Variants in CEP192 observed in about 807,000 individuals in gnomAD.
The protein encoded by CEP192 is centrosomal protein 192.
A neutral mutation model predicts 271.8 loss-of-function variants in CEP192; 151 were observed. The observed-to-expected ratio is 0.56, with a 90% CI of 0.49 to 0.64. The LOEUF (loss-of-function observed/expected upper bound fraction) is 0.64, where lower values mean the gene tolerates loss of function less well. Among genes scored for constraint, CEP192 ranks in the 30% least tolerant of loss-of-function variants. The probability of loss-of-function intolerance (pLI) is 0.00; values close to 1 mark genes in which losing one functional copy is unlikely to be tolerated. For synonymous variants in CEP192, 995 were observed against 1,076.5 expected, an observed-to-expected ratio of 0.92 and a Z score of 1.48; for missense variants, 2,910 against 3,020.5, an observed-to-expected ratio of 0.96 and a Z score of 0.86.
At chr18:12,997,154 C>A (rs377602129) in intron 1 of CEP192, among the ~76,000 whole-genome samples, 25 of 151,982 alleles carry the variant, frequency 1.6e-4, no homozygotes, top group African/African-American at 6.0e-4. Flanking sequence ...GGGTTGGGAT[C>A]GAGTGCAAAG....
chr18:13,038,179 C>A (rs1389445598), intron 12 of CEP192, among the ~76,000 whole-genome samples, 191 bp from the exon 13 acceptor site: 2 of 152,078 alleles, frequency 1.3e-5, no homozygotes, highest in African/African-American at 4.8e-5. Context: ...CAAAAATACT[C>A]ATTTTCCTTT....
intron 13 of CEP192, 128 bp downstream of exon 13, chr18:13,038,707 T>G: frequency 1.4e-6 from 1 of 720,294 alleles, no homozygotes; most frequent in Non-Finnish European, 2.3e-6. Flanking sequence ...AAACTTAGGT[T>G]TCATCATCAG....
At position 13,030,497 on chromosome 18, in the gene CEP192, A is replaced by T; in HGVS notation, c.1423A>T (p.Asn475Tyr). 6.2e-7 allele frequency: 1 copy of T among 1,611,892 alleles called. No individual in the cohort carries two copies. The highest frequency in any genetic ancestry group is 8.5e-7 in the Non-Finnish European group (1 of 1,178,976). The change falls in exon 11 of 45, where the codon AAT becomes TAT. Residue 475 changes from asparagine (N) to tyrosine (Y), a missense_variant. By Grantham distance (143) the Asn-to-Tyr change is moderately radical. Coordinates refer to ENST00000506447, the MANE Select transcript of CEP192 (RefSeq NM_032142.4). ...TDLPQSVVYQ[N>Y]EEGRWVTDLA... The stretch of plus-strand genomic sequence containing the variant: ...TCTCCCACAGAGTGTGGTCTATCAA[A>T]ATGAAGAGGGTAGGTGGGTCACAGA...
At chr18:13,048,571 AT>A (rs143855408) in intron 15 of CEP192, among the ~76,000 whole-genome samples, 2,711 of 152,322 alleles carry the variant, frequency 0.018, 89 homozygotes, top group African/African-American at 0.062. Flanking sequence ...TTTATGTGTA[AT>A]TACAAAGAAG....
At chr18:13,114,841 A>G (rs531009775) in intron 42 of CEP192, among the ~76,000 whole-genome samples, 34 of 152,360 alleles carry the variant, frequency 2.2e-4, no homozygotes, top group East Asian at 2.1e-3. Flanking sequence ...AAATAGTTGT[A>G]CCATTTTATG....
At position 13,092,470 on chromosome 18, in the gene CEP192, G is replaced by T; in HGVS notation, c.6197G>T (p.Cys2066Phe). The change falls in exon 34 of 45, where the codon TGC becomes TTC. Residue 2066 changes from cysteine to phenylalanine, a missense_variant. By Grantham distance (205) the Cys-to-Phe change is radical (BLOSUM62 -2). Transcript: ENST00000506447. ...ILSVIGEFRD[C>F]ISSREFLQPS... ...TCAGTAATTGGAGAATTCAGAGATT[G>T]CATTTCTAGCAGAGAATTCCTTCAG... The T allele has an allele frequency of 6.2e-7, 1 of 1,609,214 alleles. No individual in the cohort carries two copies. Among genetic ancestry groups the T allele is most frequent in the Non-Finnish European group, 8.5e-7 (1 of 1,176,862 alleles).
At position 13,029,885 on chromosome 18, in the gene CEP192, G is replaced by A; in HGVS notation, c.1273G>A (p.Val425Ile). The A allele has an allele frequency of 6.4e-7, 1 of 1,551,698 alleles. No homozygotes were observed. Among genetic ancestry groups the A allele is most frequent in the Non-Finnish European group, 8.7e-7 (1 of 1,146,956 alleles). The change falls in exon 10 of 45, where the codon GTA becomes ATA. Residue 425 changes from valine to isoleucine, a missense_variant. By Grantham distance (29) the Val-to-Ile change is conservative (BLOSUM62 3). Coordinates refer to ENST00000506447, the MANE Select transcript of CEP192 (RefSeq NM_032142.4). ...PTVSIQENVD[V>I]ASLKPISDSG... ...GGTGTCCATTCAAGAAAATGTGGAT[G>A]TAGCCTCTTTGAAGCCCATTAGTGA... is the stretch of plus-strand genomic sequence containing the variant.
At chr18:13,076,968 G>C (rs577512669) in intron 30 of CEP192, among the ~76,000 whole-genome samples, 1 of 152,144 alleles carries the variant, frequency 6.6e-6, no homozygotes, top group African/African-American at 2.4e-5. Context: ...ATTTTTAGTA[G>C]AGATGGGGTT....
chr18:13,036,323 A>G (rs1320138379), intron 11 of CEP192, among the ~76,000 whole-genome samples: 1 of 152,160 alleles, frequency 6.6e-6, no homozygotes, highest in African/African-American at 2.4e-5. Flanking sequence ...AATGTGGGAC[A>G]CAGTCTAGGG....
intron 38 of CEP192, 103 bp from the exon 39 acceptor site, chr18:13,103,406 T>C (rs1440098189): frequency 1.3e-6 from 1 of 799,142 alleles, no homozygotes; most frequent in East Asian, 2.4e-5. Flanking sequence ...ATCTAATGAT[T>C]GGGGTTTTTT....
At chr18:13,101,641 T>G (rs1209919603) in intron 38 of CEP192, among the ~76,000 whole-genome samples, 1 of 152,068 alleles carries the variant, frequency 6.6e-6, no homozygotes. Flanking sequence ...GCCTCTCCAT[T>G]GATTTTGTCT....
intron 3 of CEP192, among the ~76,000 whole-genome samples, chr18:13,002,755 G>T (rs7244871): frequency 0.25 from 37,513 of 152,032 alleles, 5,473 homozygotes; most frequent in East Asian, 0.44. Context: ...ACCAAAATGG[G>T]AATGGTGGTA....
chr18:13,052,306 C>T (rs2036840028), intron 17 of CEP192, among the ~76,000 whole-genome samples: 1 of 152,212 alleles, frequency 6.6e-6, no homozygotes, highest in Admixed American at 6.5e-5. Flanking sequence ...TGTTGTATTG[C>T]ATGTTTGTGC....
At chr18:12,998,758 G>A (rs1268182026) in intron 1 of CEP192, among the ~76,000 whole-genome samples, 1 of 152,012 alleles carries the variant, frequency 6.6e-6, no homozygotes, top group Non-Finnish European at 1.5e-5. Context: ...GTGTGTATAT[G>A]ATACGTACTC....
At chr18:13,018,372 T>A (rs2034784006) in intron 7 of CEP192, 108 bp from the exon 8 acceptor site, 3 of 634,002 alleles carry the variant, frequency 4.7e-6, no homozygotes, top group East Asian at 6.1e-5. Flanking sequence ...TTTTTCTAAT[T>A]CCTTCTACAC....
chr18:12,995,043 C>G (rs1204698730), intron 1 of CEP192, among the ~76,000 whole-genome samples: 1 of 147,782 alleles, frequency 6.8e-6, no homozygotes, highest in Non-Finnish European at 1.5e-5. Context: ...TCCATCCTAA[C>G]ATGGGAGGAA....
chr18:13,113,222 C>G (rs2040285509), intron 40 of CEP192, among the ~76,000 whole-genome samples: 1 of 152,216 alleles, frequency 6.6e-6, no homozygotes, highest in Admixed American at 6.5e-5. Flanking sequence ...GCTTGGCCAG[C>G]AGAGGGTTCC....
intron 8 of CEP192, 106 bp downstream of exon 8, chr18:13,018,721 C>G: frequency 2.6e-6 from 2 of 783,512 alleles, no homozygotes; most frequent in Non-Finnish European, 3.8e-6. Context: ...ATTAACTCTT[C>G]TAGTCCCTCA....
Position 13,030,487 on chromosome 18 carries a change from G to A in CEP192, c.1413G>A (p.Val471=). The stretch of plus-strand genomic sequence containing the variant: ...TAGAAACAGATCTCCCACAGAGTGT[G>A]GTCTATCAAAATGAAGAGGGTAGGT... ...NKDKTDLPQS[V]VYQNEEGRWV... Residue 471 remains valine (V), a synonymous_variant, in exon 11 of 45, where the codon GTG becomes GTA. Coordinates refer to ENST00000506447, the MANE Select transcript of CEP192 (RefSeq NM_032142.4). 6.2e-7 allele frequency: 1 copy of A among 1,609,900 alleles called. No individual in the cohort carries two copies. Among genetic ancestry groups the A allele is most frequent in the Non-Finnish European group, 8.5e-7 (1 of 1,177,790 alleles).
Sources: allele counts gnomAD v4.1 joint callset (sites outside exome capture counted in the v4.1 genomes callset), GRCh38; gene constraint gnomAD v4.1.1; transcripts MANE v1.5; gene names NCBI Gene and HGNC (gene_info 2026-07-23, HGNC 2026-07-21).